Variants in MYO16 observed in about 807,000 individuals in gnomAD.
The protein encoded by MYO16 is unconventional myosin-XVI.
A neutral mutation model predicts 205.3 loss-of-function variants in MYO16; 94 were observed. The observed-to-expected ratio is 0.46, with a 90% CI of 0.39 to 0.54. The LOEUF is 0.54. Among genes scored for constraint, MYO16 ranks in the 20% least tolerant of loss-of-function variants. MYO16 has a pLI of 0.00. For missense variants in MYO16, 2,315 were observed against 2,387.5 expected (o/e 0.97, Z 0.63); for synonymous variants, 988 against 954.0 (o/e 1.04, Z -0.66).
At chr13:108,885,568 G>GA (rs930241715) in intron 13 of MYO16, among the ~76,000 whole-genome samples, 2 of 152,156 alleles carry the variant, frequency 1.3e-5, no homozygotes, top group African/African-American at 4.8e-5. Flanking sequence ...AAGTTGCTTA[G>GA]AAAAAACACT....
intron 1 of MYO16, among the ~76,000 whole-genome samples, chr13:108,616,403 C>T (rs937912232): frequency 6.6e-6 from 1 of 152,124 alleles, no homozygotes; most frequent in African/African-American, 2.4e-5. Flanking sequence ...CCTTCACCAT[C>T]GTAGTCTATG....
At chr13:108,553,112 A>G in the MYO16 span, among the ~76,000 whole-genome samples, 7,744 of 134,834 alleles carry the variant, frequency 0.057, 636 homozygotes, top group African/African-American at 0.2. Flanking sequence ...TCTGCCTCCC[A>G]GGTTCAACTG....
the MYO16 span, among the ~76,000 whole-genome samples, chr13:108,525,204 C>A: frequency 1.3e-5 from 2 of 152,054 alleles, no homozygotes; most frequent in African/African-American, 2.4e-5. Context: ...TCACTTACCT[C>A]AAAAAATACA....
intron 27 of MYO16, among the ~76,000 whole-genome samples, chr13:109,088,752 G>A (rs1440966656): frequency 6.6e-6 from 1 of 152,308 alleles, no homozygotes; most frequent in Non-Finnish European, 1.5e-5. Context: ...TCCGCATCGC[G>A]CGAGAAGAAG....
chr13:108,720,231 G>A (rs1254350395), intron 3 of MYO16, among the ~76,000 whole-genome samples: 2 of 152,164 alleles, frequency 1.3e-5, no homozygotes, highest in African/African-American at 4.8e-5. Context: ...TGACATGGTG[G>A]CAGAGAAGTG....
chr13:108,816,238 T>C (rs978172077), intron 7 of MYO16, among the ~76,000 whole-genome samples: 7 of 152,272 alleles, frequency 4.6e-5, no homozygotes, highest in Admixed American at 2.0e-4. Flanking sequence ...GGTACAGATA[T>C]TGTACTTAAA....
chr13:109,189,093 T>TA (rs921844782), intron 34 of MYO16, among the ~76,000 whole-genome samples: 4 of 146,518 alleles, frequency 2.7e-5, no homozygotes, highest in East Asian at 2.0e-4. Flanking sequence ...AAATTCTGTC[T>TA]AAAAAAAATG....
intron 2 of MYO16, among the ~76,000 whole-genome samples, chr13:108,691,913 T>C (rs1246353874): frequency 6.6e-6 from 1 of 152,170 alleles, no homozygotes; most frequent in Non-Finnish European, 1.5e-5. Flanking sequence ...AACAATTCTC[T>C]ATATGGGGCA....
Position 109,052,343 on chromosome 13 carries a change from G to A in MYO16, c.2916G>A (p.Leu972=), listed in dbSNP as rs1307274616. The A allele has an allele frequency of 1.9e-6, 3 of 1,613,234 alleles. No individual in the cohort carries two copies. The highest frequency in any genetic ancestry group is 2.5e-6 in the Non-Finnish European group (3 of 1,179,454). Residue 972 remains leucine (L), a synonymous_variant, in exon 25 of 35, where the codon TTG becomes TTA. Transcript: ENST00000457511. ...VVINHLFQSK[L]SQTGSLVSAY... ...TCAATCATTTGTTCCAGTCGAAATT[G>A]TCACAAACAGGATCCCTCGTATCTG...
intron 1 of MYO16, among the ~76,000 whole-genome samples, chr13:108,630,529 A>G (rs1229052791): frequency 6.6e-6 from 1 of 152,244 alleles, no homozygotes; most frequent in Non-Finnish European, 1.5e-5. Flanking sequence ...GCTAGAGAAT[A>G]CTTCCATCTA....
chr13:108,757,709 T>C (rs9587671), intron 4 of MYO16, among the ~76,000 whole-genome samples: 1,626 of 152,036 alleles, frequency 0.011, 35 homozygotes, highest in African/African-American at 0.038. Context: ...AATTCCCACC[T>C]ATGAGTGAGA....
chr13:108,786,371 G>A (rs1469787833), intron 5 of MYO16, among the ~76,000 whole-genome samples: 1 of 152,164 alleles, frequency 6.6e-6, no homozygotes, highest in Admixed American at 6.5e-5. Flanking sequence ...GAAAGTGGGA[G>A]GTATGAGAAT....
At chr13:108,503,203 T>C in the MYO16 span, among the ~76,000 whole-genome samples, 1 of 152,076 alleles carries the variant, frequency 6.6e-6, no homozygotes, top group South Asian at 2.1e-4. Context: ...AAAGTAAACT[T>C]GAGGTGGAGA....
chr13:108,527,682 G>A, the MYO16 span, among the ~76,000 whole-genome samples: 1 of 152,134 alleles, frequency 6.6e-6, no homozygotes, highest in East Asian at 1.9e-4. Context: ...CTGTGGTAAT[G>A]GTATATGCCA....
At chr13:108,950,241 T>C (rs1035425723) in intron 16 of MYO16, among the ~76,000 whole-genome samples, 4 of 123,796 alleles carry the variant, frequency 3.2e-5, no homozygotes, top group Non-Finnish European at 3.3e-5. Context: ...ATTAAAAATA[T>C]CAGACAAGGT....
chr13:109,177,811 C>T (rs1329867356), intron 33 of MYO16, among the ~76,000 whole-genome samples: 2 of 152,204 alleles, frequency 1.3e-5, no homozygotes, highest in African/African-American at 4.8e-5. Flanking sequence ...CCAGTGCACC[C>T]AGCCCCGACT....
intron 2 of MYO16, among the ~76,000 whole-genome samples, chr13:108,685,111 C>A (rs1882624279): frequency 6.6e-6 from 1 of 151,840 alleles, no homozygotes; most frequent in East Asian, 1.9e-4. Context: ...CAACCTCCAC[C>A]TTCCGGGTTC....
At chr13:108,913,877 G>T (rs867142117) in intron 16 of MYO16, among the ~76,000 whole-genome samples, 1 of 152,134 alleles carries the variant, frequency 6.6e-6, no homozygotes, top group East Asian at 1.9e-4. Flanking sequence ...TGAGTGTTCA[G>T]TTGTTCAAAT....
At chr13:109,089,188 C>CATTATTATTATT (rs34430414) in intron 27 of MYO16, among the ~76,000 whole-genome samples, 4,931 of 147,836 alleles carry the variant, frequency 0.033, 111 homozygotes, top group African/African-American at 0.048. Flanking sequence ...TTGTTTTCTG[C>CATTATTATTATT]ATTATTATTA....
Sources: allele counts gnomAD v4.1 joint callset (sites outside exome capture counted in the v4.1 genomes callset), GRCh38; gene constraint gnomAD v4.1.1; transcripts MANE v1.5; gene names NCBI Gene and HGNC (gene_info 2026-07-23, HGNC 2026-07-21).